Variants in HIPK2 observed in about 807,000 individuals in gnomAD.
HIPK2 encodes the protein homeodomain interacting protein kinase 2.
Under a neutral mutation model 113.7 loss-of-function variants are expected in HIPK2, and 27 were observed. That is an observed-to-expected ratio of 0.24 (90% CI 0.17 to 0.33). The LOEUF (loss-of-function observed/expected upper bound fraction) is 0.33, where lower values mean the gene tolerates loss of function less well. HIPK2 is among the 10% of genes least tolerant of loss of function. HIPK2 has a pLI of 1.00. For missense variants in HIPK2, 1,257 were observed against 1,588.0 expected (o/e 0.79, Z 3.54); for synonymous variants, 631 against 642.2 (o/e 0.98, Z 0.26).
Position 139,631,273 on chromosome 7 carries a change from A to G in HIPK2, c.1239T>C (p.Ile413=). 6.2e-7 allele frequency: 1 copy of G among 1,612,388 alleles called. No homozygotes were observed. The highest frequency in any genetic ancestry group is 8.5e-7 in the Non-Finnish European group (1 of 1,179,156). ...GASEYDQIRY[I]SQTQGLPAEY... ...CAGCAGGCAAACCCTGTGTTTGTGA[A>G]ATATACCGAATCTGCAAGAAAAGAT... Residue 413 remains isoleucine, a synonymous_variant, in exon 4 of 15, where the codon ATT becomes ATC. Transcript: ENST00000406875. This position sits in a 1 kb window ranked among gnomAD's most constrained non-coding sequence, Gnocchi z 4.9.
In HIPK2 at chr7:139,613,153, T is replaced by G; in HGVS notation, c.2112+49A>C. On this transcript the variant is annotated intron_variant, in intron 9 of 14. Coordinates refer to ENST00000406875, the MANE Select transcript of HIPK2 (RefSeq NM_022740.5). This position sits in a 1 kb window ranked among gnomAD's most constrained non-coding sequence, Gnocchi z 4.2. ...AGATATATATCTTTTGTGAACAACATTAACACAGGTAATGGTAATACCAGT... is the reference window on the plus strand; with the variant it reads ...AGATATATATCTTTTGTGAACAACAGTAACACAGGTAATGGTAATACCAGT... 1 of 1,607,718 alleles carries G rather than the reference T, an allele frequency of 6.2e-7. No homozygotes were observed. The highest frequency in any genetic ancestry group is 8.5e-7 in the Non-Finnish European group (1 of 1,176,348).
At chr7:139,609,841 GA>G (rs1282406280) in intron 9 of HIPK2, among the ~76,000 whole-genome samples, 1 of 152,162 alleles carries the variant, frequency 6.6e-6, no homozygotes, top group Non-Finnish European at 1.5e-5. Flanking sequence ...ATATATCTTA[GA>G]AATCTCTGCA....
chr7:139,612,341 T>C (rs1240105028), intron 9 of HIPK2, among the ~76,000 whole-genome samples: 1 of 152,168 alleles, frequency 6.6e-6, no homozygotes, highest in East Asian at 1.9e-4. Flanking sequence ...ACTAATAACA[T>C]TTAGGTCAAG....
chr7:139,639,336 C>T (rs1800924832), intron 2 of HIPK2, among the ~76,000 whole-genome samples: 1 of 152,202 alleles, frequency 6.6e-6, no homozygotes, highest in South Asian at 2.1e-4. Flanking sequence ...CAGGGAAGCT[C>T]ATTCTGACAG....
chr7:139,694,060 C>T (rs970780856), intron 2 of HIPK2, among the ~76,000 whole-genome samples: 4 of 152,144 alleles, frequency 2.6e-5, no homozygotes, highest in East Asian at 3.9e-4. Flanking sequence ...TACTTTTTTT[C>T]CTATTCAATA....
At chr7:139,721,194 C>T (rs1198572523) in intron 1 of HIPK2, among the ~76,000 whole-genome samples, 1 of 152,208 alleles carries the variant, frequency 6.6e-6, no homozygotes, top group Admixed American at 6.5e-5. Context: ...TGTTCTGTAG[C>T]AGAGGCCACT....
At chr7:139,602,233 G>T (rs531227265) in intron 10 of HIPK2, among the ~76,000 whole-genome samples, 2 of 152,280 alleles carry the variant, frequency 1.3e-5, no homozygotes, top group African/African-American at 4.8e-5. Context: ...GATTACAGAC[G>T]TGAGCCACTG....
At chr7:139,740,836 C>T (rs919709271) in intron 1 of HIPK2, among the ~76,000 whole-genome samples, 2 of 152,182 alleles carry the variant, frequency 1.3e-5, no homozygotes, top group Non-Finnish European at 2.9e-5. Flanking sequence ...GGGCACTGGA[C>T]TAAATTACCA....
At chr7:139,581,053 C>T (rs890526263) in intron 13 of HIPK2, among the ~76,000 whole-genome samples, 3 of 152,122 alleles carry the variant, frequency 2.0e-5, no homozygotes, top group African/African-American at 7.2e-5. Context: ...AACCCCATCT[C>T]TACCGAAATA....
chr7:139,662,834 G>C (rs966065634), intron 2 of HIPK2, among the ~76,000 whole-genome samples: 1 of 152,104 alleles, frequency 6.6e-6, no homozygotes, highest in Non-Finnish European at 1.5e-5. Context: ...GGCCAGGCTG[G>C]TCTCGAACTC....
At chr7:139,694,036 C>T (rs1009512942) in intron 2 of HIPK2, among the ~76,000 whole-genome samples, 2 of 152,148 alleles carry the variant, frequency 1.3e-5, no homozygotes, top group African/African-American at 4.8e-5. Context: ...CTTGGAACTG[C>T]AAAAGCAGAA....
chr7:139,773,508 T>G (rs533561543), intron 1 of HIPK2, among the ~76,000 whole-genome samples: 9 of 152,208 alleles, frequency 5.9e-5, no homozygotes, highest in Admixed American at 3.9e-4. Flanking sequence ...GAATTACACG[T>G]TCAGAGAACA....
rs147704306 is a variant in HIPK2, at chr7:139,742,841, T to C, written c.20-25826A>G. On this transcript the variant is annotated intron_variant, in intron 1 of 14. Transcript: ENST00000406875. ...ATAAGTCAGCATCATCCAAATGCCATTGGGCTGGCTTTGTCTTCCAAAACA... is the reference window on the plus strand; with the variant it reads ...ATAAGTCAGCATCATCCAAATGCCACTGGGCTGGCTTTGTCTTCCAAAACA... Among the ~76,000 whole-genome samples the C allele has an allele frequency of 9.2e-5, 14 of 152,342 alleles. No individual in the cohort carries two copies. In the South Asian group the frequency reaches 1.7e-3, roughly 18 times the overall value.
rs1398226973 is a variant in HIPK2, at chr7:139,626,800, G to A, written c.1435-15C>T. 1 of 1,613,434 alleles carries A rather than the reference G, an allele frequency of 6.2e-7. No individual in the cohort carries two copies. The highest frequency in any genetic ancestry group is 8.5e-7 in the Non-Finnish European group (1 of 1,179,502). ...GTCATGTTCACCTGGACGCAAGTAA[G>A]GACAGGTTACCAAGGAAGACCCCAG... On this transcript the variant is annotated splice_polypyrimidine_tract_variant and intron_variant, in intron 5 of 14. Transcript: ENST00000406875.
chr7:139,665,797 G>A (rs996119953), intron 2 of HIPK2, among the ~76,000 whole-genome samples: 1 of 152,176 alleles, frequency 6.6e-6, no homozygotes, highest in Non-Finnish European at 1.5e-5. Context: ...TGACCCAGAT[G>A]CTCATTTGTT....
At chr7:139,587,488 CAAAAAAAAAAAAAAA>C (rs1213368741) in intron 12 of HIPK2, among the ~76,000 whole-genome samples, 3 of 43,998 alleles carry the variant, frequency 6.8e-5, no homozygotes, top group African/African-American at 2.2e-4. Context: ...GACTGTGTCT[CAAAAAAAAAAAAAAA>C]AAAAAAAAAA....
At chr7:139,759,845 TAAAA>T (rs1569485400) in intron 1 of HIPK2, among the ~76,000 whole-genome samples, 2 of 151,918 alleles carry the variant, frequency 1.3e-5, no homozygotes, top group Non-Finnish European at 2.9e-5. Context: ...ACAGAAATAA[TAAAA>T]AAGAAAAAAA....
At chr7:139,672,438 A>C (rs141730414) in intron 2 of HIPK2, among the ~76,000 whole-genome samples, 111 of 152,308 alleles carry the variant, frequency 7.3e-4, no homozygotes, top group African/African-American at 2.6e-3. Flanking sequence ...TTGACTTAGA[A>C]CATGAAGACT....
intron 2 of HIPK2, among the ~76,000 whole-genome samples, chr7:139,707,675 T>G (rs999280539): frequency 6.6e-5 from 10 of 152,184 alleles, no homozygotes; most frequent in African/African-American, 2.4e-4. Flanking sequence ...GCACTCCTAC[T>G]CACGTCCTGA....
Sources: gnomAD v4.1 joint callset for allele counts (sites outside exome capture counted in the v4.1 genomes callset) on GRCh38, gnomAD v4.1.1 for gene constraint, Gnocchi (gnomAD v3.1) non-coding constraint, MANE v1.5 for transcripts, NCBI Gene and HGNC (gene_info 2026-07-23, HGNC 2026-07-21) for gene names.